DNASE1: variants seen among roughly 807,000 people sequenced by gnomAD.
DNASE1 encodes the protein deoxyribonuclease 1.
DNASE1 carries 40 observed loss-of-function variants against 33.9 expected under a neutral mutation model. The observed-to-expected ratio is 1.18, with a 90% confidence interval of 0.92 to 1.54. The LOEUF (loss-of-function observed/expected upper bound fraction) is 1.54. DNASE1 is among the 40% of genes most tolerant of loss of function. The pLI, the probability that DNASE1 is intolerant of heterozygous loss-of-function variation, is 0.00. For synonymous variants in DNASE1, 216 were observed against 160.0 expected (o/e 1.35, Z -2.64); for missense variants, 518 against 372.6 (o/e 1.39, Z -3.21).
At position 3,656,679 on chromosome 16, in the gene DNASE1, A is replaced by T. The variant is rs1264335624; in HGVS notation, c.362A>T (p.Asp121Val). The change falls in exon 5 of 9, where the codon GAT (aspartate) becomes GTT (valine). Residue 121 changes from aspartate (D) to valine (V), a missense_variant. Coordinates refer to ENST00000246949, the MANE Select transcript of DNASE1 (RefSeq NM_005223.4). ...GCGGTGGACAGCTACTACTACGATGATGGCTGCGAGCCCTGCGGGAACGAC... is the reference window on the plus strand; with the variant it reads ...GCGGTGGACAGCTACTACTACGATGTTGGCTGCGAGCCCTGCGGGAACGAC... ...VSAVDSYYYDDGCEPCGNDTF... is the reference protein window; with the variant it reads ...VSAVDSYYYDVGCEPCGNDTF... The T allele has an allele frequency of 4.3e-6, 7 of 1,613,226 alleles. No homozygotes were observed. In the Admixed American group the frequency reaches 1.2e-4, roughly 27 times the overall value.
intron 1 of DNASE1, among the ~76,000 whole-genome samples, chr16:3,620,437 G>C (rs1204453650): frequency 1.3e-5 from 2 of 150,092 alleles, no homozygotes; most frequent in African/African-American, 2.4e-5. Flanking sequence ...CCTGATCATA[G>C]CTCACTGTAA....
At chr16:3,622,604 CATTTGACTT>C (rs2041362090) in intron 1 of DNASE1, among the ~76,000 whole-genome samples, 1 of 152,032 alleles carries the variant, frequency 6.6e-6, no homozygotes, top group Non-Finnish European at 1.5e-5. Context: ...CAGTTTTTAT[CATTTGACTT>C]AAAAAAATTT....
At chr16:3,658,516 CTACTAAA>C, downstream of DNASE1, 4 of 569,722 alleles carry the variant, frequency 7.0e-6, no homozygotes, top group Non-Finnish European at 1.2e-5. Flanking sequence ...AACCCCATCT[CTACTAAA>C]ATACAAAATT....
downstream of DNASE1, chr16:3,662,854 T>G: frequency 6.2e-7 from 1 of 1,611,426 alleles, no homozygotes; most frequent in Non-Finnish European, 8.5e-7. Flanking sequence ...TGCGGCCAAG[T>G]GGTGGTCCAT....
At chr16:3,612,582 C>CG (rs2040930393) in intron 1 of DNASE1, among the ~76,000 whole-genome samples, 1 of 41,402 alleles carries the variant, frequency 2.4e-5, no homozygotes, top group African/African-American at 1.1e-4. Flanking sequence ...TAGAGACGGG[C>CG]GGTGGGGGCG....
downstream of DNASE1, chr16:3,658,665 CCATCTCAAAAAA>C: frequency 1.1e-6 from 1 of 905,938 alleles, no homozygotes; most frequent in Admixed American, 2.4e-5. Flanking sequence ...GAGCAACACT[CCATCTCAAAAAA>C]CAAACAAACA....
At chr16:3,623,848 C>G (rs2041410434) in intron 1 of DNASE1, among the ~76,000 whole-genome samples, 2 of 152,134 alleles carry the variant, frequency 1.3e-5, no homozygotes, top group African/African-American at 4.8e-5. Context: ...AAATCAAAAC[C>G]ACAGTGAGAT....
At chr16:3,618,085 CA>C (rs71392849) in intron 1 of DNASE1, among the ~76,000 whole-genome samples, 6,800 of 104,126 alleles carry the variant, frequency 0.065, 150 homozygotes, top group Admixed American at 0.098. Context: ...AAGCCAAGAC[CA>C]AAAAAAAAAA....
intron 1 of DNASE1, among the ~76,000 whole-genome samples, chr16:3,628,012 G>T (rs1256566277): frequency 6.6e-6 from 1 of 150,946 alleles, no homozygotes; most frequent in African/African-American, 2.4e-5. Flanking sequence ...CTCACTTTTG[G>T]GAGTATTGAC....
chr16:3,655,379 G>A lies in DNASE1; in HGVS notation c.6G>A (p.Arg2=), dbSNP rs8176927. 1.5e-5 allele frequency: 24 copies of A among 1,614,022 alleles called. No individual in the cohort carries two copies. Among genetic ancestry groups the A allele is most frequent in the South Asian group, 6.6e-5 (6 of 91,090 alleles). M[R]GMKLLGALLA... ...GTGCCCTGTGCTCTCCCAGGATGAG[G>A]GGCATGAAGCTGCTGGGGGCGCTGC... Residue 2 remains arginine (R), a synonymous_variant, in exon 2 of 9, where the codon AGG becomes AGA. Coordinates refer to ENST00000246949, the MANE Select transcript of DNASE1 (RefSeq NM_005223.4).
chr16:3,647,769 C>G (rs887868019), intron 1 of DNASE1, among the ~76,000 whole-genome samples: 1 of 151,370 alleles, frequency 6.6e-6, no homozygotes, highest in Non-Finnish European at 1.5e-5. Flanking sequence ...TTTGGGAAGC[C>G]AAGGCAGGAG....
downstream of DNASE1, chr16:3,662,702 C>A: frequency 1.4e-6 from 1 of 704,246 alleles, no homozygotes; most frequent in Non-Finnish European, 2.6e-6. Flanking sequence ...GCCTTCCTGC[C>A]TCAGCGGCAC....
intron 1 of DNASE1, among the ~76,000 whole-genome samples, chr16:3,613,110 G>C (rs1433318520): frequency 1.3e-5 from 2 of 152,006 alleles, no homozygotes; most frequent in Non-Finnish European, 2.9e-5. Context: ...AATCGAACCT[G>C]CCGTACCCAT....
chr16:3,647,262 A>ATTTTTTTTGTTTT (rs2042201221), intron 1 of DNASE1, among the ~76,000 whole-genome samples: 1 of 130,232 alleles, frequency 7.7e-6, no homozygotes. Context: ...TAATCATGGG[A>ATTTTTTTTGTTTT]TTTTTTTTTT....
At chr16:3,639,985 C>T (rs1388559304), upstream of DNASE1, among the ~76,000 whole-genome samples, 1 of 152,160 alleles carries the variant, frequency 6.6e-6, no homozygotes, top group Non-Finnish European at 1.5e-5. Flanking sequence ...AGTTAAGTCC[C>T]TTGGAAGCAG....
chr16:3,632,091 T>C (rs1166597959), intron 1 of DNASE1, among the ~76,000 whole-genome samples: 1 of 152,210 alleles, frequency 6.6e-6, no homozygotes, highest in African/African-American at 2.4e-5. Flanking sequence ...CTCATAATTG[T>C]TTAAATGCAT....
At chr16:3,617,326 C>CAAAAAAAAAAA (rs56670885) in intron 1 of DNASE1, among the ~76,000 whole-genome samples, 40 of 57,714 alleles carry the variant, frequency 6.9e-4, no homozygotes, top group African/African-American at 2.3e-3. Context: ...AACTCCATCT[C>CAAAAAAAAAAA]AAAAAAAAAA....
chr16:3,638,108 T>A (rs1567196344), upstream of DNASE1, among the ~76,000 whole-genome samples: 7 of 136,792 alleles, frequency 5.1e-5, no homozygotes, highest in Non-Finnish European at 9.4e-5. Flanking sequence ...TTTGTGAGTG[T>A]GTGTGTGTGT....
At chr16:3,655,785 G>C in intron 2 of DNASE1, 64 bp from the exon 3 acceptor site, 1 of 1,590,656 alleles carries the variant, frequency 6.3e-7, no homozygotes, top group African/African-American at 1.3e-5. Context: ...GGCTCCCTTT[G>C]TGGCGCTGTA....
Sources: allele counts gnomAD v4.1 joint callset (sites outside exome capture counted in the v4.1 genomes callset), GRCh38; gene constraint gnomAD v4.1.1; transcripts MANE v1.5; gene names NCBI Gene and HGNC (gene_info 2026-07-23, HGNC 2026-07-21).